The following ACAD9 variants were observed in gnomAD, a reference collection of about 807,000 sequenced individuals.
ACAD9 encodes complex I assembly factor ACAD9, mitochondrial.
ACAD9 carries 53 observed loss-of-function variants against 70.2 expected under a neutral mutation model. That is an observed-to-expected ratio of 0.75 (90% CI 0.61 to 0.95). The LOEUF (loss-of-function observed/expected upper bound fraction) is 0.95. Ranked by LOEUF, ACAD9 falls within the 40% of genes least tolerant of loss-of-function variation. ACAD9 has a pLI of 0.00. For synonymous variants in ACAD9, 313 were observed against 312.1 expected, an observed-to-expected ratio of 1.00 and a Z score of -0.03; for missense variants, 777 against 802.8, an observed-to-expected ratio of 0.97 and a Z score of 0.39.
intron 11 of ACAD9, 90 bp from the exon 12 acceptor site, chr3:128,906,031 A>T: frequency 6.3e-7 from 1 of 1,587,782 alleles, no homozygotes; most frequent in South Asian, 1.1e-5. Flanking sequence ...CTCCTCCCCA[A>T]GCCCGTGTGC....
intron 3 of ACAD9, 70 bp downstream of exon 3, chr3:128,893,726 G>T: frequency 1.5e-6 from 2 of 1,339,630 alleles, no homozygotes; most frequent in Non-Finnish European, 2.1e-6. Flanking sequence ...TCCATAACAG[G>T]TCTAGTTGCT....
chr3:128,910,710 G>A, intron 16 of ACAD9, 31 bp from the exon 17 acceptor site: 6 of 1,613,026 alleles, frequency 3.7e-6, no homozygotes, highest in Non-Finnish European at 5.1e-6. Flanking sequence ...CAGGAATTTG[G>A]GCATATCTTT....
At chr3:128,883,270 G>C (rs1026643818) in intron 1 of ACAD9, among the ~76,000 whole-genome samples, 1 of 151,608 alleles carries the variant, frequency 6.6e-6, no homozygotes, top group Non-Finnish European at 1.5e-5. Flanking sequence ...TTGAACTCCT[G>C]GGCTTTAAGC....
chr3:128,900,684 T>C (rs1181303561), intron 7 of ACAD9, among the ~76,000 whole-genome samples: 2 of 152,062 alleles, frequency 1.3e-5, no homozygotes, highest in East Asian at 1.9e-4. Context: ...ACATTTAAGG[T>C]CTCTGTTCAT....
chr3:128,901,448 G>T lies in ACAD9; in HGVS notation c.882+99G>T, dbSNP rs1213489968. On this transcript the variant is annotated intron_variant, in intron 8 of 17. Transcript: ENST00000308982. The stretch of plus-strand genomic sequence containing the variant: ...ATCCCTGCTCGTAGCAGAGTAGCCT[G>T]TGCATGGCAGGTGACTTTGCATGGT... The T allele has an allele frequency of 8.3e-6, 11 of 1,318,682 alleles. No individual in the cohort carries two copies. The African/African-American group carries it at 1.4e-4, about 17-fold the overall frequency. 81.7% of individuals were successfully genotyped at this position (1,318,682 alleles called of 1,614,324 possible).
intron 7 of ACAD9, among the ~76,000 whole-genome samples, chr3:128,900,302 A>G (rs1331999498): frequency 1.3e-5 from 2 of 151,934 alleles, no homozygotes; most frequent in East Asian, 1.9e-4. Flanking sequence ...CAGTGGCACT[A>G]TCTTGGCTCA....
intron 2 of ACAD9, among the ~76,000 whole-genome samples, chr3:128,889,138 C>G (rs779707710): frequency 6.6e-5 from 10 of 150,808 alleles, no homozygotes; most frequent in Non-Finnish European, 1.2e-4. Context: ...ATATGCTGTA[C>G]AGCTTTTTTG....
chr3:128,881,863 A>C (rs115020867), intron 1 of ACAD9, among the ~76,000 whole-genome samples: 1 of 152,174 alleles, frequency 6.6e-6, no homozygotes, highest in Non-Finnish European at 1.5e-5. Context: ...AGTGTTTCCA[A>C]CTAGCCAAGT....
At position 128,899,273 on chromosome 3, in the gene ACAD9, C is replaced by A; in HGVS notation, c.634-14C>A. 2 of 1,614,082 alleles carry A rather than the reference C, an allele frequency of 1.2e-6. No individual in the cohort carries two copies. The highest frequency in any genetic ancestry group is 3.3e-4 in the Middle Eastern group (2 of 6,062). ...GGGTTTGGTTTTCTCCAAAGTCCATCTTTCTGTCCTCAGGTCTGGATTACT... is the reference window on the plus strand; with the variant it reads ...GGGTTTGGTTTTCTCCAAAGTCCATATTTCTGTCCTCAGGTCTGGATTACT... On this transcript the variant is annotated splice_polypyrimidine_tract_variant and intron_variant, in intron 6 of 17. Transcript: ENST00000308982.
chr3:128,879,809 G>A lies in ACAD9; in HGVS notation c.118G>A (p.Ala40Thr). 1 of 1,614,084 alleles carries A rather than the reference G, an allele frequency of 6.2e-7. No homozygotes were observed. Among genetic ancestry groups the A allele is most frequent in the Non-Finnish European group, 8.5e-7 (1 of 1,180,024 alleles). Reference protein sequence around the residue: ...LRTSPPVRAFAKELFLGKIKK... With the variant: ...LRTSPPVRAFTKELFLGKIKK... ...CACCAGCCCGCCTGTACGAGCTTTC[G>A]CCAAAGAGCTTTTCCTAGGCAAAAT... is the stretch of plus-strand genomic sequence containing the variant. Residue 40 changes from alanine (A) to threonine (T), a missense_variant, in exon 1 of 18, where the codon GCC becomes ACC. By Grantham distance (58) the Ala-to-Thr change is moderately conservative. Transcript: ENST00000308982.
Position 128,904,393 on chromosome 3 carries a change from T to C in ACAD9, c.1037T>C (p.Phe346Ser). The C allele has an allele frequency of 6.2e-7, 1 of 1,614,242 alleles. No individual in the cohort carries two copies. Among genetic ancestry groups the C allele is most frequent in the Non-Finnish European group, 8.5e-7 (1 of 1,180,038 alleles). Reference sequence around the variant, plus strand: ...TTTTTCTGAACACTCCAGGAGAAATTTGCACTGATGGCTCAGAAGGCTTAC... The same window carrying C: ...TTTTTCTGAACACTCCAGGAGAAATCTGCACTGATGGCTCAGAAGGCTTAC... ...LSEFGLIQEK[F>S]ALMAQKAYVM... Residue 346 changes from phenylalanine to serine, a missense_variant, in exon 11 of 18, where the codon TTT (phenylalanine) becomes TCT (serine). By Grantham distance (155) the Phe-to-Ser change is radical (BLOSUM62 -2). Coordinates refer to ENST00000308982, the MANE Select transcript of ACAD9 (RefSeq NM_014049.5).
At chr3:128,881,421 G>C (rs375114196) in intron 1 of ACAD9, among the ~76,000 whole-genome samples, 21 of 152,228 alleles carry the variant, frequency 1.4e-4, no homozygotes, top group East Asian at 9.6e-4. Context: ...ACCCCCTCCC[G>C]CTGCATATGT....
rs539641942 is a variant in ACAD9, at chr3:128,887,971, C to T, written c.244+3225C>T. Among the ~76,000 whole-genome samples the T allele has an allele frequency of 7.2e-5, 11 of 152,294 alleles. No homozygotes were observed. The East Asian group carries it at 2.1e-3, about 29-fold the overall frequency. ...TCTGGAGACACAGAAAAATCACATC[C>T]TCCCACAACTGGCCTCTATGAAAAC... On this transcript the variant is annotated intron_variant, in intron 2 of 17. Coordinates refer to ENST00000308982, the MANE Select transcript of ACAD9 (RefSeq NM_014049.5).
intron 7 of ACAD9, 73 bp from the exon 8 acceptor site, chr3:128,901,203 A>C: frequency 7.6e-7 from 1 of 1,310,454 alleles, no homozygotes; most frequent in Middle Eastern, 1.8e-4. Flanking sequence ...TGGATGGATG[A>C]ATTGCCTGCT....
At position 128,903,917 on chromosome 3, in the gene ACAD9, G is replaced by A. The variant is rs1683776; in HGVS notation, c.959-145G>A. The A allele has an allele frequency of 7.5e-6, 6 of 801,184 alleles. No homozygotes were observed. The African/African-American group carries it at 8.5e-5, about 11-fold the overall frequency. The allele number at this position is 801,184 out of a possible 1,614,324, so 49.6% of individuals were successfully genotyped here. A position where few individuals can be genotyped will look rare whatever the true frequency, so the allele number is the denominator to read the frequency against. On this transcript the variant is annotated intron_variant, in intron 9 of 17. Coordinates refer to ENST00000308982, the MANE Select transcript of ACAD9 (RefSeq NM_014049.5). Reference sequence around the variant, plus strand: ...GACCCACGGGTGCTGGCAAGTGGGGGTGCCAGCTTCTGGGGTATTTGACCT... The same window carrying A: ...GACCCACGGGTGCTGGCAAGTGGGGATGCCAGCTTCTGGGGTATTTGACCT...
chr3:128,899,499 G>C, intron 7 of ACAD9, 38 bp downstream of exon 7: 2 of 1,603,418 alleles, frequency 1.2e-6, no homozygotes, highest in South Asian at 2.2e-5. Context: ...GTGTGTGTGT[G>C]TAAGGGGGAG....
chr3:128,895,473 G>A, intron 4 of ACAD9, 57 bp downstream of exon 4: 1 of 1,470,724 alleles, frequency 6.8e-7, no homozygotes, highest in Non-Finnish European at 9.3e-7. Context: ...GAGTCACATG[G>A]AGGCATAGAG....
Position 128,898,468 on chromosome 3 carries a change from C to CGATCTTGGCTCACTGCAGCCAGTGGCAA in ACAD9, c.633+778_633+779insAGTGGCAAGATCTTGGCTCACTGCAGCC, listed in dbSNP as rs1553730803. On this transcript the variant is annotated intron_variant, in intron 6 of 17. Transcript: ENST00000308982. ...TCACCCAGGCTGGAGTGCAGTGGCA[C>CGATCTTGGCTCACTGCAGCCAGTGGCAA]GATCTTGGCTCACTGCAGCCTCAAC... 4,192 of 446,378 alleles carry CGATCTTGGCTCACTGCAGCCAGTGGCAA rather than the reference C, an allele frequency of 9.4e-3. 168 individuals carry two copies. Among genetic ancestry groups the CGATCTTGGCTCACTGCAGCCAGTGGCAA allele is most frequent in the African/African-American group, 0.077 (3,774 of 48,714 alleles). The allele number at this position is 446,378 out of a possible 1,614,324, so 27.7% of individuals were successfully genotyped here. A position where few individuals can be genotyped will look rare whatever the true frequency, so the allele number is the denominator to read the frequency against.
intron 9 of ACAD9, among the ~76,000 whole-genome samples, chr3:128,903,116 A>G (rs1454720565): frequency 2.0e-5 from 3 of 152,174 alleles, no homozygotes; most frequent in African/African-American, 7.2e-5. Context: ...CTATTCTGTC[A>G]GAATACCCCA....
Sources: allele counts gnomAD v4.1 joint callset (sites outside exome capture counted in the v4.1 genomes callset), GRCh38; gene constraint gnomAD v4.1.1; transcripts MANE v1.5; gene names NCBI Gene and HGNC (gene_info 2026-07-23, HGNC 2026-07-21).